The following VRK1 variants were observed in gnomAD, a reference collection of about 807,000 sequenced individuals.
VRK1 encodes serine/threonine-protein kinase VRK1.
Under a neutral mutation model 57.1 loss-of-function variants are expected in VRK1, and 33 were observed. The observed-to-expected ratio is 0.58, with a 90% CI of 0.44 to 0.77. The LOEUF is 0.77. Ranked by LOEUF, VRK1 falls within the 30% of genes least tolerant of loss-of-function variation. The probability of loss-of-function intolerance (pLI) is 0.00; values close to 1 mark genes in which losing one functional copy is unlikely to be tolerated. For missense variants in VRK1, 413 were observed against 477.3 expected (o/e 0.87, Z 1.25); for synonymous variants, 137 against 147.8 (o/e 0.93, Z 0.53).
chr14:96,799,633 G>A (rs913288023), intron 1 of VRK1, among the ~76,000 whole-genome samples: 1 of 152,188 alleles, frequency 6.6e-6, no homozygotes, highest in Non-Finnish European at 1.5e-5. Context: ...TTATATCTCC[G>A]TAGATCAGGC....
intron 5 of VRK1, among the ~76,000 whole-genome samples, chr14:96,850,449 ACTC>A (rs1171353010): frequency 6.6e-6 from 1 of 152,128 alleles, no homozygotes; most frequent in East Asian, 1.9e-4. Flanking sequence ...TCATTTTACT[ACTC>A]AATGGTAGAG....
intron 1 of VRK1, among the ~76,000 whole-genome samples, chr14:96,815,149 A>G (rs1313836478): frequency 1.3e-5 from 2 of 152,166 alleles, no homozygotes; most frequent in African/African-American, 4.8e-5. Flanking sequence ...TTATTTTTTG[A>G]ATATGACTAA....
At position 96,876,067 on chromosome 14, in the gene VRK1, G is replaced by A. The variant is rs1168205465; in HGVS notation, c.1106G>A (p.Gly369Asp). ...KKEIEESKEP[G>D]VEDTEWSNTQ... is the part of the protein sequence containing the mutation. ...GAAATTGAAGAAAGCAAGGAACCTG[G>A]TGTTGAAGATACGGAATGGTCAAAC... Residue 369 changes from glycine to aspartate, a missense_variant, in exon 12 of 13, where the codon GGT (glycine) becomes GAT (aspartate). Around this residue, in one of 3 missense-constraint regions of VRK1, gnomAD observed 146 missense variants for 138.2 expected, o/e 1.06. Transcript: ENST00000216639. 3 of 1,613,630 alleles carry A rather than the reference G, an allele frequency of 1.9e-6. No homozygotes were observed. In the South Asian group the frequency reaches 3.3e-5, roughly 18 times the overall value.
intron 1 of VRK1, among the ~76,000 whole-genome samples, chr14:96,811,885 A>G (rs1886220545): frequency 6.6e-6 from 1 of 152,064 alleles, no homozygotes; most frequent in Non-Finnish European, 1.5e-5. Flanking sequence ...GACTGTAACC[A>G]TCACCATAAT....
intron 1 of VRK1, among the ~76,000 whole-genome samples, chr14:96,799,476 A>G (rs539663820): frequency 1.3e-5 from 2 of 152,308 alleles, no homozygotes; most frequent in East Asian, 3.9e-4. Context: ...ATAATGTACT[A>G]TGATTAGGAT....
At chr14:96,854,878 C>T (rs771149058) in intron 7 of VRK1, among the ~76,000 whole-genome samples, 2 of 152,030 alleles carry the variant, frequency 1.3e-5, no homozygotes, top group Non-Finnish European at 2.9e-5. Context: ...TTGCTCTGTG[C>T]TCAATTTTAG....
chr14:96,812,927 T>C (rs1041062720), intron 1 of VRK1, among the ~76,000 whole-genome samples: 1 of 152,242 alleles, frequency 6.6e-6, no homozygotes, highest in African/African-American at 2.4e-5. Context: ...ACTTTAATCC[T>C]AGCCTTTCAT....
chr14:96,879,973 AC>A (rs1667728406), intron 12 of VRK1, among the ~76,000 whole-genome samples: 1 of 151,856 alleles, frequency 6.6e-6, no homozygotes, highest in Admixed American at 6.6e-5. Flanking sequence ...TGAAATAAAA[AC>A]CTAAAAATCT....
At chr14:96,813,927 G>C (rs990029263) in intron 1 of VRK1, among the ~76,000 whole-genome samples, 8 of 152,030 alleles carry the variant, frequency 5.3e-5, no homozygotes, top group African/African-American at 1.9e-4. Context: ...CTTATATAAT[G>C]ATACAGTCAG....
At chr14:96,803,679 T>G (rs1885757881) in intron 1 of VRK1, among the ~76,000 whole-genome samples, 1 of 152,092 alleles carries the variant, frequency 6.6e-6, no homozygotes. Flanking sequence ...ATGAAGGGGG[T>G]GCTGCTGTGT....
rs794727029 is a variant in VRK1, at chr14:96,860,722, AAAC to A, written c.1058_1060del (p.Thr353del). On this transcript the variant is annotated inframe_deletion, in exon 11 of 13. Coordinates refer to ENST00000216639, the MANE Select transcript of VRK1 (RefSeq NM_003384.3). ...GTGGAGAATGGAGGTTTGAAAGCAA[AAAC>A]AATAACAAAGGTGAATTTTGTTATT... The A allele has an allele frequency of 5.0e-4, 814 of 1,612,840 alleles. 3 individuals carry two copies. The highest frequency in any genetic ancestry group is 2.4e-4 in the Non-Finnish European group (280 of 1,179,330).
intron 1 of VRK1, among the ~76,000 whole-genome samples, chr14:96,812,948 AG>A (rs1158541580): frequency 1.3e-5 from 2 of 152,194 alleles, no homozygotes; most frequent in African/African-American, 4.8e-5. Context: ...TTTACAGGTA[AG>A]GAAAAAAGAC....
chr14:96,871,466 A>T (rs1566719204), intron 11 of VRK1, among the ~76,000 whole-genome samples: 1 of 152,246 alleles, frequency 6.6e-6, no homozygotes, highest in Non-Finnish European at 1.5e-5. Context: ...TACACTGGAC[A>T]CTTATGTAAG....
At chr14:96,805,294 G>A (rs572543394) in intron 1 of VRK1, among the ~76,000 whole-genome samples, 3 of 152,294 alleles carry the variant, frequency 2.0e-5, no homozygotes, top group Admixed American at 2.0e-4. Context: ...TTTCCGGACA[G>A]TAAAGACATT....
intron 11 of VRK1, among the ~76,000 whole-genome samples, chr14:96,873,219 A>G (rs1476179826): frequency 1.3e-5 from 2 of 152,132 alleles, no homozygotes; most frequent in African/African-American, 4.8e-5. Flanking sequence ...TTGCTTCTGA[A>G]GATTTTTTTT....
At chr14:96,798,097 C>T (rs922982084) in intron 1 of VRK1, among the ~76,000 whole-genome samples, 3 of 152,156 alleles carry the variant, frequency 2.0e-5, no homozygotes, top group Non-Finnish European at 4.4e-5. Flanking sequence ...CCTGTCACAT[C>T]GCGGGGAGGC....
At chr14:96,876,605 C>A (rs764922856) in intron 12 of VRK1, among the ~76,000 whole-genome samples, 1 of 152,054 alleles carries the variant, frequency 6.6e-6, no homozygotes, top group Non-Finnish European at 1.5e-5. Flanking sequence ...TCACACTGAT[C>A]CCACATAACT....
At chr14:96,841,565 A>G (rs991489356) in intron 3 of VRK1, among the ~76,000 whole-genome samples, 5 of 152,216 alleles carry the variant, frequency 3.3e-5, no homozygotes, top group African/African-American at 1.2e-4. Context: ...CATAAACAAA[A>G]CAATACTACT....
intron 1 of VRK1, among the ~76,000 whole-genome samples, chr14:96,830,271 G>T (rs1260694492): frequency 6.6e-6 from 1 of 151,922 alleles, no homozygotes. Flanking sequence ...AAGTTTTCTT[G>T]AATTAAATGA....
Sources: allele counts gnomAD v4.1 joint callset (sites outside exome capture counted in the v4.1 genomes callset), GRCh38; gene constraint gnomAD v4.1.1; regional missense constraint gnomAD v4.1.1; transcripts MANE v1.5; gene names NCBI Gene and HGNC (gene_info 2026-07-23, HGNC 2026-07-21).